The following DOCK6 variants were observed in gnomAD, a reference collection of about 807,000 sequenced individuals.
The protein encoded by DOCK6 is dedicator of cytokinesis protein 6.
DOCK6 carries 167 observed loss-of-function variants against 230.3 expected under a neutral mutation model. The ratio of observed to expected loss-of-function variants is 0.73; its 90% CI spans 0.64 to 0.82. The LOEUF is 0.82. Among genes scored for constraint, DOCK6 ranks in the 40% least tolerant of loss-of-function variants. The pLI is 0.00. For missense variants in DOCK6, 2,598 were observed against 2,825.8 expected (o/e 0.92, Z 1.83); for synonymous variants, 1,148 against 1,185.0 (o/e 0.97, Z 0.64).
intron 1 of DOCK6, among the ~76,000 whole-genome samples, chr19:11,261,842 T>TTC (rs555957776): frequency 7.2e-6 from 1 of 138,162 alleles, no homozygotes; most frequent in Non-Finnish European, 1.6e-5. Flanking sequence ...CTGTCCCCCT[T>TTC]CCCCCCCCCC....
At chr19:11,220,174 G>A (rs1201478661) in intron 28 of DOCK6, among the ~76,000 whole-genome samples, 6 of 151,950 alleles carry the variant, frequency 3.9e-5, no homozygotes, top group African/African-American at 9.7e-5. Flanking sequence ...GGCTGGTCTC[G>A]ATCTCCTGAC....
intron 1 of DOCK6, among the ~76,000 whole-genome samples, chr19:11,259,122 G>A (rs1413300607): frequency 1.3e-5 from 2 of 152,062 alleles, no homozygotes; most frequent in Admixed American, 1.3e-4. Flanking sequence ...CGCAATCACG[G>A]CTCACTGCAG....
chr19:11,206,764 G>A (rs2079268027), intron 39 of DOCK6, among the ~76,000 whole-genome samples: 1 of 151,944 alleles, frequency 6.6e-6, no homozygotes, highest in African/African-American at 2.4e-5. Context: ...TTATAAAAGG[G>A]TCTTTATCAG....
At chr19:11,260,575 G>A (rs1313977661) in intron 1 of DOCK6, among the ~76,000 whole-genome samples, 1 of 147,260 alleles carries the variant, frequency 6.8e-6, no homozygotes, top group Non-Finnish European at 1.5e-5. Flanking sequence ...GCAAGACCCT[G>A]TCTCAAAAAA....
Position 11,203,285 on chromosome 19 carries a change from G to C in DOCK6, c.5236-576C>G, listed in dbSNP as rs998021069. 3 of 170,648 alleles carry C rather than the reference G, an allele frequency of 1.8e-5. No individual in the cohort carries two copies. In the South Asian group the frequency reaches 4.3e-4, roughly 25 times the overall value. 10.6% of individuals were successfully genotyped at this position (170,648 alleles called of 1,614,324 possible). A position where few individuals can be genotyped will look rare whatever the true frequency, so the allele number is the denominator to read the frequency against. ...GAATGGCTGGATGTTCACTTACCAA[G>C]GCCGATCCGGGGAGGATGGGGCAGA... On this transcript the variant is annotated intron_variant, in intron 41 of 47. Coordinates refer to ENST00000294618, the MANE Select transcript of DOCK6 (RefSeq NM_020812.4).
chr19:11,229,563 G>C (rs1239855384), intron 22 of DOCK6, among the ~76,000 whole-genome samples: 2 of 152,098 alleles, frequency 1.3e-5, no homozygotes, highest in Non-Finnish European at 1.5e-5. Context: ...GATGCCAATG[G>C]GGACAGGCAA....
At chr19:11,214,671 T>C (rs1280593065) in intron 32 of DOCK6, 22 bp from the exon 33 acceptor site, 2 of 1,610,416 alleles carry the variant, frequency 1.2e-6, no homozygotes, top group African/African-American at 2.7e-5. Flanking sequence ...AAGGAGGTCT[T>C]GGGGGCCCAC....
At chr19:11,242,792 AC>A (rs2079967607) in intron 13 of DOCK6, among the ~76,000 whole-genome samples, 1 of 151,766 alleles carries the variant, frequency 6.6e-6, no homozygotes, top group Non-Finnish European at 1.5e-5. Flanking sequence ...CCCCAGCCTT[AC>A]CCCTACATTT....
intron 37 of DOCK6, 27 bp downstream of exon 37, chr19:11,211,749 C>G (rs1263696879): frequency 6.5e-7 from 1 of 1,531,264 alleles, no homozygotes; most frequent in Non-Finnish European, 8.9e-7. Context: ...GTGGGCGTGG[C>G]TGAAGGTGCC....
At chr19:11,255,133 A>C (rs2080178450) in intron 1 of DOCK6, among the ~76,000 whole-genome samples, 1 of 150,978 alleles carries the variant, frequency 6.6e-6, no homozygotes. Flanking sequence ...CCTCCTGAGT[A>C]GCTGGGATTA....
At chr19:11,225,741 CCAGT>C (rs917416814) in intron 24 of DOCK6, among the ~76,000 whole-genome samples, 4 of 151,622 alleles carry the variant, frequency 2.6e-5, no homozygotes, top group African/African-American at 7.3e-5. Context: ...CAAAAAAACC[CCAGT>C]CAATCTGGCC....
At position 11,202,167 on chromosome 19, in the gene DOCK6, C is replaced by G. The variant is rs760999197; in HGVS notation, c.5452-42G>C. The G allele has an allele frequency of 4.4e-6, 7 of 1,590,422 alleles. No homozygotes were observed. The African/African-American group carries it at 8.1e-5, about 18-fold the overall frequency. On this transcript the variant is annotated intron_variant, in intron 43 of 47. Transcript: ENST00000294618. The surrounding 1 kb of genome is among the most constrained non-coding windows in gnomAD (Gnocchi z 5.3). ...GTGTGAGGATCCCACAGCCCCAGCA[C>G]GCACAGCCCAAGCCCTGTTCCTGGA...
rs761235375 is a variant in DOCK6 at position 11,214,406 on chromosome 19, C to T, written c.4207G>A (p.Val1403Met). The change falls in exon 34 of 48, where the codon GTG (valine) becomes ATG (methionine). Residue 1403 changes from valine (V) to methionine (M), a missense_variant. By Grantham distance (21) the Val-to-Met change is conservative. Coordinates refer to ENST00000294618, the MANE Select transcript of DOCK6 (RefSeq NM_020812.4). ...CTCTCCCGGGCTTCTGAAAGCATCA[C>T]CGTCTGGAGGGAAGGGGGTCAGAAA... is the stretch of plus-strand genomic sequence containing the variant. Reference protein sequence around the residue: ...LDTLEIIVQTVMLSEARESVL... With the variant: ...LDTLEIIVQTMMLSEARESVL... 1 of 1,613,622 alleles carries T rather than the reference C, an allele frequency of 6.2e-7. No individual in the cohort carries two copies.
At chr19:11,227,253 A>T in intron 24 of DOCK6, 84 bp downstream of exon 24, 1 of 1,555,240 alleles carries the variant, frequency 6.4e-7, no homozygotes, top group Non-Finnish European at 8.8e-7. Flanking sequence ...GCCAGGAGAC[A>T]CTGGGCAGGA....
intron 24 of DOCK6, among the ~76,000 whole-genome samples, chr19:11,224,398 A>G (rs1237476223): frequency 2.0e-5 from 3 of 151,622 alleles, no homozygotes; most frequent in Non-Finnish European, 4.4e-5. Flanking sequence ...TTTAGTAGAG[A>G]CAGGGTTTCA....
intron 39 of DOCK6, among the ~76,000 whole-genome samples, chr19:11,206,814 A>G (rs1384046258): frequency 6.9e-6 from 1 of 144,860 alleles, no homozygotes; most frequent in Non-Finnish European, 1.5e-5. Context: ...GTGGTGGGAA[A>G]ATAGCTGGGA....
chr19:11,241,201 G>A (rs956919415), intron 14 of DOCK6, among the ~76,000 whole-genome samples: 3 of 151,164 alleles, frequency 2.0e-5, no homozygotes, highest in Non-Finnish European at 2.9e-5. Flanking sequence ...AGCTGAGATC[G>A]TGTCATTGCA....
chr19:11,216,502 G>A (rs2079490423), intron 30 of DOCK6, among the ~76,000 whole-genome samples: 1 of 151,912 alleles, frequency 6.6e-6, no homozygotes, highest in Admixed American at 6.6e-5. Context: ...CCACCTCCCG[G>A]GTTCAAGTGA....
At chr19:11,240,122 G>A (rs2079918554) in intron 14 of DOCK6, 1 of 1,551,480 alleles carries the variant, frequency 6.4e-7, no homozygotes, top group South Asian at 1.2e-5. Flanking sequence ...GTGACCCACT[G>A]TTTATTAAGC....
Sources: gnomAD v4.1 joint callset for allele counts (sites outside exome capture counted in the v4.1 genomes callset) on GRCh38, gnomAD v4.1.1 for gene constraint, Gnocchi (gnomAD v3.1) non-coding constraint, MANE v1.5 for transcripts, NCBI Gene and HGNC (gene_info 2026-07-23, HGNC 2026-07-21) for gene names.